The following TNIP2 variants were observed in gnomAD, a reference collection of about 807,000 sequenced individuals.
TNIP2 encodes TNFAIP3 interacting protein 2.
Under a neutral mutation model 43.7 loss-of-function variants are expected in TNIP2, and 30 were observed. That is an observed-to-expected ratio of 0.69 (90% CI 0.51 to 0.93). TNIP2 has a LOEUF of 0.93. Among genes scored for constraint, TNIP2 ranks in the 40% least tolerant of loss-of-function variants. The pLI, the probability that TNIP2 is intolerant of heterozygous loss-of-function variation, is 0.00. For synonymous variants in TNIP2, 260 were observed against 254.6 expected, an observed-to-expected ratio of 1.02 and a Z score of -0.20; for missense variants, 599 against 591.0, an observed-to-expected ratio of 1.01 and a Z score of -0.14.
intron 1 of TNIP2, among the ~76,000 whole-genome samples, chr4:2,753,093 TAAA>T (rs1313350173): frequency 6.6e-6 from 1 of 151,536 alleles, no homozygotes; most frequent in Non-Finnish European, 1.5e-5. Flanking sequence ...AAAATAAAAA[TAAA>T]AAAACAAACA....
chr4:2,743,062 AGCCTGTGGCCCTCACTGCTT>A (rs377586439), intron 5 of TNIP2, among the ~76,000 whole-genome samples: 9 of 152,214 alleles, frequency 5.9e-5, no homozygotes, highest in African/African-American at 2.2e-4. Flanking sequence ...GAAGCACTGC[AGCCTGTGGCCCTCACTGCTT>A]GCCTGGGAAC....
chr4:2,747,265 C>G (rs1721972009), intron 2 of TNIP2, among the ~76,000 whole-genome samples: 2 of 152,212 alleles, frequency 1.3e-5, no homozygotes, highest in African/African-American at 4.8e-5. Flanking sequence ...CTCCCCATCC[C>G]CAGCAGTACC....
intron 1 of TNIP2, among the ~76,000 whole-genome samples, chr4:2,754,584 T>G (rs1168149261): frequency 6.6e-6 from 1 of 152,166 alleles, no homozygotes; most frequent in African/African-American, 2.4e-5. Context: ...GCCCAGCTAA[T>G]TTTTTGTATT....
intron 1 of TNIP2, among the ~76,000 whole-genome samples, chr4:2,749,083 G>A (rs7690432): frequency 0.26 from 39,912 of 152,028 alleles, 5,703 homozygotes; most frequent in Middle Eastern, 0.38. Context: ...GAGCCACCAC[G>A]CCCTGCCAAA....
chr4:2,751,750 G>T (rs754786486), intron 1 of TNIP2, among the ~76,000 whole-genome samples: 5 of 147,156 alleles, frequency 3.4e-5, no homozygotes, highest in Non-Finnish European at 4.5e-5. Flanking sequence ...TCCAGCCTGG[G>T]CAACAGAGTG....
At chr4:2,743,461 T>C (rs1721849694) in intron 5 of TNIP2, among the ~76,000 whole-genome samples, 1 of 152,216 alleles carries the variant, frequency 6.6e-6, no homozygotes, top group Non-Finnish European at 1.5e-5. Flanking sequence ...GAAAAACCTG[T>C]CCAGCCCTCT....
chr4:2,749,843 G>A (rs1345634777), intron 1 of TNIP2, among the ~76,000 whole-genome samples: 1 of 151,980 alleles, frequency 6.6e-6, no homozygotes, highest in African/African-American at 2.4e-5. Flanking sequence ...ATAGGGTCTC[G>A]CCCTGTCACC....
chr4:2,748,438 G>A (rs1464943939), intron 1 of TNIP2, among the ~76,000 whole-genome samples: 1 of 152,206 alleles, frequency 6.6e-6, no homozygotes, highest in Non-Finnish European at 1.5e-5. Flanking sequence ...CGCCTCAGAG[G>A]TTCACACCAT....
At position 2,744,333 on chromosome 4, in the gene TNIP2, A is replaced by C; in HGVS notation, c.1026+54T>G. 1 of 1,609,804 alleles carries C rather than the reference A, an allele frequency of 6.2e-7. No homozygotes were observed. Among genetic ancestry groups the C allele is most frequent in the South Asian group, 1.1e-5 (1 of 90,878 alleles). ...ACAGAAAGGCTCTAATCTCATGAGA[A>C]GAGAAACAAAAACACTAAACCTAAG... is the stretch of plus-strand genomic sequence containing the variant. On this transcript the variant is annotated intron_variant, in intron 5 of 5. Transcript: ENST00000315423. This position sits in a 1 kb window ranked among gnomAD's most constrained non-coding sequence, Gnocchi z 5.1.
intron 1 of TNIP2, among the ~76,000 whole-genome samples, chr4:2,749,286 A>C (rs554958897): frequency 1.3e-5 from 2 of 152,334 alleles, no homozygotes; most frequent in African/African-American, 4.8e-5. Flanking sequence ...TCAAATTATC[A>C]AAGTGGCAAT....
At chr4:2,747,529 T>A (rs1210739065) in intron 2 of TNIP2, 126 bp downstream of exon 2, 2 of 949,218 alleles carry the variant, frequency 2.1e-6, no homozygotes, top group Non-Finnish European at 3.2e-6. Flanking sequence ...CCCCGTCAGC[T>A]GACTCTCGTT....
intron 1 of TNIP2, among the ~76,000 whole-genome samples, chr4:2,755,355 C>T (rs570231129): frequency 6.6e-6 from 1 of 151,794 alleles, no homozygotes; most frequent in South Asian, 2.1e-4. Context: ...CAAAATACCC[C>T]TAAGAGCCCA....
rs1272290169 is a variant in TNIP2, at chr4:2,744,067, G to A, written c.1026+320C>T. 6.6e-6 allele frequency among the ~76,000 whole-genome samples: 1 copy of A among 152,218 alleles called. No individual in the cohort carries two copies. Among genetic ancestry groups the A allele is most frequent in the African/African-American group, 2.4e-5 (1 of 41,458 alleles). ...CCGTCTCACAGACAGGTCAGGACAC[G>A]TAGGGAGCTCACACTTTGAGGCCCG... On this transcript the variant is annotated intron_variant, in intron 5 of 5. Coordinates refer to ENST00000315423, the MANE Select transcript of TNIP2 (RefSeq NM_024309.4). The surrounding 1 kb of genome is among the most constrained non-coding windows in gnomAD (Gnocchi z 5.1).
In TNIP2 at chr4:2,751,527, T is replaced by C. The variant is rs150946251; in HGVS notation, c.277-3582A>G. 3.3e-3 allele frequency among the ~76,000 whole-genome samples: 506 copies of C among 152,238 alleles called. 6 individuals carry two copies. Among genetic ancestry groups the C allele is most frequent in the African/African-American group, 0.011 (477 of 41,554 alleles). ...TCCCAAAGCCTGTAATCCCAGCACT[T>C]TGGGAGGCCGAGGTGGGAGGATCAC... On this transcript the variant is annotated intron_variant, in intron 1 of 5. Coordinates refer to ENST00000315423, the MANE Select transcript of TNIP2 (RefSeq NM_024309.4).
intron 2 of TNIP2, among the ~76,000 whole-genome samples, chr4:2,746,650 C>T (rs1229215450): frequency 6.6e-6 from 1 of 152,252 alleles, no homozygotes; most frequent in East Asian, 1.9e-4. Context: ...CTGTCTGCCA[C>T]AGAACATCCC....
At chr4:2,747,157 C>T (rs1407889665) in intron 2 of TNIP2, among the ~76,000 whole-genome samples, 1 of 152,228 alleles carries the variant, frequency 6.6e-6, no homozygotes, top group Non-Finnish European at 1.5e-5. Flanking sequence ...TTGGAGATGG[C>T]GGTTCCAGCT....
intron 1 of TNIP2, among the ~76,000 whole-genome samples, chr4:2,750,715 T>C (rs1722080608): frequency 6.6e-6 from 1 of 151,480 alleles, no homozygotes; most frequent in Non-Finnish European, 1.5e-5. Flanking sequence ...GGTGTGGCTA[T>C]GTTGCCTAGG....
At chr4:2,742,871 C>A (rs1239226671) in intron 5 of TNIP2, among the ~76,000 whole-genome samples, 5 of 152,170 alleles carry the variant, frequency 3.3e-5, no homozygotes, top group African/African-American at 1.2e-4. Context: ...GGTGGCAGAG[C>A]CTCTGGTGGG....
At chr4:2,743,827 AG>A (rs1310932095) in intron 5 of TNIP2, among the ~76,000 whole-genome samples, 1 of 152,236 alleles carries the variant, frequency 6.6e-6, no homozygotes, top group Middle Eastern at 3.2e-3. Context: ...AGTGAGGAGA[AG>A]GAAGAGGCCA....
Sources: gnomAD v4.1 joint callset for allele counts (sites outside exome capture counted in the v4.1 genomes callset) on GRCh38, gnomAD v4.1.1 for gene constraint, Gnocchi (gnomAD v3.1) non-coding constraint, MANE v1.5 for transcripts, NCBI Gene and HGNC (gene_info 2026-07-23, HGNC 2026-07-21) for gene names.